GNB1L: variants seen among roughly 807,000 people sequenced by gnomAD.
The protein encoded by GNB1L is guanine nucleotide-binding protein subunit beta-like protein 1.
Under a neutral mutation model 29.1 loss-of-function variants are expected in GNB1L, and 20 were observed. The ratio of observed to expected loss-of-function variants is 0.69; its 90% confidence interval spans 0.48 to 1.00. GNB1L has a LOEUF of 1.00. Ranked by LOEUF, GNB1L falls within the 50% of genes least tolerant of loss-of-function variation. GNB1L has a pLI of 0.00. For missense variants in GNB1L, 421 were observed against 464.9 expected (o/e 0.91, Z 0.87); for synonymous variants, 193 against 206.5 (o/e 0.93, Z 0.56).
At chr22:19,848,694 A>C (rs1041898135) in intron 2 of GNB1L, 1 of 985,462 alleles carries the variant, frequency 1.0e-6, no homozygotes. Flanking sequence ...TGGATGCTGC[A>C]TGACTGGCCC....
intron 2 of GNB1L, among the ~76,000 whole-genome samples, chr22:19,833,002 G>A (rs375631169): frequency 1.3e-5 from 2 of 152,230 alleles, no homozygotes; most frequent in East Asian, 1.9e-4. Flanking sequence ...AGCCCACGGA[G>A]GGCGAGATGG....
intron 2 of GNB1L, among the ~76,000 whole-genome samples, chr22:19,835,618 G>A (rs1423217177): frequency 6.6e-6 from 1 of 151,966 alleles, no homozygotes; most frequent in Non-Finnish European, 1.5e-5. Flanking sequence ...AGGTTGCAGT[G>A]AGTCAAGATC....
At chr22:19,851,666 G>A (rs1021388803) in intron 2 of GNB1L, 1 of 1,595,512 alleles carries the variant, frequency 6.3e-7, no homozygotes, top group Non-Finnish European at 8.6e-7. Context: ...CTGGCTGGAG[G>A]CCAGGGGCAG....
At chr22:19,817,598 C>T (rs375589446) in intron 4 of GNB1L, among the ~76,000 whole-genome samples, 76 of 152,332 alleles carry the variant, frequency 5.0e-4, no homozygotes, top group African/African-American at 1.7e-3. Flanking sequence ...AGATGCTGCT[C>T]CTTATGTCTC....
chr22:19,848,680 T>G, intron 2 of GNB1L: 1 of 985,416 alleles, frequency 1.0e-6, no homozygotes, highest in African/African-American at 1.7e-5. Flanking sequence ...CAAGCCTGCC[T>G]AGGTGGATGC....
intron 6 of GNB1L, among the ~76,000 whole-genome samples, chr22:19,805,166 G>A (rs1937418862): frequency 6.6e-6 from 1 of 152,194 alleles, no homozygotes; most frequent in Admixed American, 6.5e-5. Flanking sequence ...CTCCCCAAAT[G>A]GCCACAGCCA....
At chr22:19,850,906 A>C in intron 2 of GNB1L, 1 of 1,363,632 alleles carries the variant, frequency 7.3e-7, no homozygotes, top group Non-Finnish European at 9.4e-7. Flanking sequence ...GGCCTGGGTG[A>C]GACGGCACTC....
At chr22:19,820,539 T>A in intron 4 of GNB1L, 59 bp downstream of exon 4, 1 of 1,554,316 alleles carries the variant, frequency 6.4e-7, no homozygotes, top group Admixed American at 1.8e-5. Context: ...AGAGCCTCCA[T>A]CAGAGAGTTC....
intron 6 of GNB1L, among the ~76,000 whole-genome samples, chr22:19,805,997 A>C (rs2145870795): frequency 6.6e-6 from 1 of 152,266 alleles, no homozygotes; most frequent in East Asian, 1.9e-4. Context: ...TGCTGGCCTG[A>C]AGGGTGATGA....
chr22:19,840,984 T>A (rs1375596734), intron 2 of GNB1L, among the ~76,000 whole-genome samples: 1 of 152,180 alleles, frequency 6.6e-6, no homozygotes, highest in Admixed American at 6.5e-5. Context: ...CTTAAGGTTA[T>A]CAACAACAAG....
At chr22:19,818,611 G>T (rs182633038) in intron 4 of GNB1L, among the ~76,000 whole-genome samples, 2 of 152,338 alleles carry the variant, frequency 1.3e-5, no homozygotes, top group Non-Finnish European at 2.9e-5. Flanking sequence ...TTGCAGACTG[G>T]TGGGGGCCAG....
rs112171905 is a variant in GNB1L at position 19,820,064 on chromosome 22, G to A, written c.254+534C>T. ...CACACACGGCCAGGGCTCAGCTGCC[G>A]GAACACCCAGCTCCTAGGGCCTCCA... On this transcript the variant is annotated intron_variant, in intron 4 of 7. Transcript: ENST00000329517. Among the ~76,000 whole-genome samples, 48 of 152,182 alleles carry A rather than the reference G, an allele frequency of 3.2e-4. 1 individual carries two copies. The highest frequency in any genetic ancestry group is 9.4e-4 in the African/African-American group (39 of 41,528).
At chr22:19,836,586 G>A (rs1407446791) in intron 2 of GNB1L, among the ~76,000 whole-genome samples, 1 of 152,104 alleles carries the variant, frequency 6.6e-6, no homozygotes, top group Non-Finnish European at 1.5e-5. Flanking sequence ...AGAAAGAGAA[G>A]AAAACCACAA....
At position 19,802,109 on chromosome 22, in the gene GNB1L, C is replaced by T. The variant is rs1462703413; in HGVS notation, c.624G>A (p.Glu208=). 4 of 1,613,392 alleles carry T rather than the reference C, an allele frequency of 2.5e-6. No individual in the cohort carries two copies. Residue 208 remains glutamate (E), a synonymous_variant, in exon 7 of 8, where the codon GAG becomes GAA. Coordinates refer to ENST00000329517, the MANE Select transcript of GNB1L (RefSeq NM_053004.3). Reference sequence around the variant, plus strand: ...CAAAGTCAAGGTCCATGACGGGCTCCTCATGGCAGGCGATGCGGCTGCACA... The same window carrying T: ...CAAAGTCAAGGTCCATGACGGGCTCTTCATGGCAGGCGATGCGGCTGCACA... The part of the protein sequence containing the change: ...QKVCSRIACH[E]EPVMDLDFDS...
chr22:19,815,062 G>A (rs1937519406), intron 4 of GNB1L, among the ~76,000 whole-genome samples: 1 of 151,660 alleles, frequency 6.6e-6, no homozygotes, highest in Non-Finnish European at 1.5e-5. Flanking sequence ...CCAAAATGTT[G>A]AGGTCACGAA....
intron 2 of GNB1L, among the ~76,000 whole-genome samples, chr22:19,830,022 AAT>A (rs1937658020): frequency 6.6e-6 from 1 of 152,188 alleles, no homozygotes; most frequent in South Asian, 2.1e-4. Context: ...AGAGGTTTAT[AAT>A]TGGAAAAGAA....
At chr22:19,832,196 A>G (rs1253478827) in intron 2 of GNB1L, among the ~76,000 whole-genome samples, 1 of 151,864 alleles carries the variant, frequency 6.6e-6, no homozygotes, top group Non-Finnish European at 1.5e-5. Context: ...CTGGGCTGAT[A>G]GCGTGTGCTT....
chr22:19,816,095 TGGGGCCTCGC>T lies in GNB1L; in HGVS notation c.255-3658_255-3649del, dbSNP rs1937522644. 6.6e-6 allele frequency among the ~76,000 whole-genome samples: 1 copy of T among 152,108 alleles called. No individual in the cohort carries two copies. Among genetic ancestry groups the T allele is most frequent in the Non-Finnish European group, 1.5e-5 (1 of 68,000 alleles). On this transcript the variant is annotated intron_variant, in intron 4 of 7. Coordinates refer to ENST00000329517, the MANE Select transcript of GNB1L (RefSeq NM_053004.3). The surrounding 1 kb of genome is among the most constrained non-coding windows in gnomAD (Gnocchi z 4.4). ...CCATCCTGGGGCGTCGTGGCCTGTGTGGGGCCTCGCGGGGCCCCGGCTGCCTCTGCCCCCT... is the reference window on the plus strand; with the variant it reads ...CCATCCTGGGGCGTCGTGGCCTGTGTGGGGCCCCGGCTGCCTCTGCCCCCT...
chr22:19,829,707 T>TA (rs1233614384), intron 2 of GNB1L, among the ~76,000 whole-genome samples: 4 of 152,200 alleles, frequency 2.6e-5, no homozygotes, highest in Non-Finnish European at 5.9e-5. Context: ...ATGAAAGCCA[T>TA]ATACTGTATT....
Sources: allele counts gnomAD v4.1 joint callset (sites outside exome capture counted in the v4.1 genomes callset), GRCh38; gene constraint gnomAD v4.1.1; non-coding constraint Gnocchi (gnomAD v3.1); transcripts MANE v1.5; gene names NCBI Gene and HGNC (gene_info 2026-07-23, HGNC 2026-07-21).